The following CSMD1 variants were observed in gnomAD, a reference collection of about 807,000 sequenced individuals.
The protein encoded by CSMD1 is CUB and sushi domain-containing protein 1.
A neutral mutation model predicts 417.5 loss-of-function variants in CSMD1; 213 were observed. The observed-to-expected ratio is 0.51, with a 90% CI of 0.46 to 0.57. The LOEUF is 0.57. Among genes scored for constraint, CSMD1 ranks in the 20% least tolerant of loss-of-function variants. The pLI is 0.00. For missense variants in CSMD1, 6,923 were observed against 4,529.7 expected, an observed-to-expected ratio of 1.53 and a Z score of -15.17; for synonymous variants, 2,862 against 1,736.8, an observed-to-expected ratio of 1.65 and a Z score of -16.11.
chr8:4,262,443 C>T (rs1474351297), intron 3 of CSMD1, among the ~76,000 whole-genome samples: 1 of 152,264 alleles, frequency 6.6e-6, no homozygotes, highest in Non-Finnish European at 1.5e-5. Flanking sequence ...TTTCATGTTC[C>T]CCGCGCAGTG....
intron 26 of CSMD1, chr8:3,278,335 T>C (rs1802465983): frequency 6.6e-6 from 1 of 152,198 alleles, no homozygotes; most frequent in Non-Finnish European, 1.5e-5. Context: ...AATTCAAATG[T>C]GTCCAAGAAA....
At chr8:4,242,412 A>T (rs1802455268) in intron 3 of CSMD1, among the ~76,000 whole-genome samples, 1 of 152,210 alleles carries the variant, frequency 6.6e-6, no homozygotes, top group Non-Finnish European at 1.5e-5. Flanking sequence ...GCAAATGAGA[A>T]AAGGATAAAA....
At chr8:4,513,371 C>T (rs919752537) in intron 2 of CSMD1, among the ~76,000 whole-genome samples, 2 of 152,040 alleles carry the variant, frequency 1.3e-5, no homozygotes, top group East Asian at 1.9e-4. Context: ...TATAGCGATG[C>T]TAATTTAAAG....
intron 7 of CSMD1, among the ~76,000 whole-genome samples, chr8:3,642,931 C>T (rs1376819920): frequency 6.6e-6 from 1 of 151,232 alleles, no homozygotes; most frequent in African/African-American, 2.4e-5. Flanking sequence ...AAGATAAAAC[C>T]ACTAATAGTT....
chr8:4,289,495 G>A (rs1178257900), intron 3 of CSMD1, among the ~76,000 whole-genome samples: 1 of 152,150 alleles, frequency 6.6e-6, no homozygotes. Flanking sequence ...CACATAAACT[G>A]AGTTCTGTCC....
chr8:4,746,229 G>A (rs73661110), intron 1 of CSMD1, among the ~76,000 whole-genome samples: 3 of 151,938 alleles, frequency 2.0e-5, no homozygotes, highest in Admixed American at 6.6e-5. Context: ...CACCGAAAAC[G>A]TATGGCCAAC....
At chr8:4,668,384 C>G (rs952672979) in intron 1 of CSMD1, among the ~76,000 whole-genome samples, 5 of 150,666 alleles carry the variant, frequency 3.3e-5, no homozygotes, top group Admixed American at 3.3e-4. Flanking sequence ...CACTGCCACA[C>G]ACAGCACTCT....
At chr8:3,564,340 G>T (rs34620356) in intron 10 of CSMD1, among the ~76,000 whole-genome samples, 52,772 of 151,716 alleles carry the variant, frequency 0.35, 9,483 homozygotes, top group African/African-American at 0.45. Context: ...ATGTTTTGTC[G>T]TCCTCAGTGT....
At chr8:4,613,444 G>A (rs1316258899) in intron 2 of CSMD1, among the ~76,000 whole-genome samples, 1 of 152,098 alleles carries the variant, frequency 6.6e-6, no homozygotes, top group Non-Finnish European at 1.5e-5. Context: ...GTTGCCTCCA[G>A]AACCAAGTTT....
chr8:4,221,993 G>A (rs920968277), intron 3 of CSMD1, among the ~76,000 whole-genome samples: 1 of 151,662 alleles, frequency 6.6e-6, no homozygotes, highest in African/African-American at 2.4e-5. Flanking sequence ...CCACCCAACG[G>A]TCTGTCCCTA....
rs571849924 is a variant in CSMD1 at position 4,755,489 on chromosome 8, G to T, written c.86-117931C>A. ...GTTTCTATGATTGACATTTATTTTT[G>T]GCATAACGTTAAAATTGATGTTTCC... On this transcript the variant is annotated intron_variant, in intron 1 of 69. Transcript: ENST00000635120. 7.2e-5 allele frequency among the ~76,000 whole-genome samples: 11 copies of T among 151,756 alleles called. No individual in the cohort carries two copies. The South Asian group carries it at 2.3e-3, about 32-fold the overall frequency.
intron 3 of CSMD1, among the ~76,000 whole-genome samples, chr8:4,123,572 T>G (rs1482215557): frequency 2.6e-5 from 4 of 152,224 alleles, no homozygotes; most frequent in Admixed American, 2.6e-4. Flanking sequence ...GTGAGGAAAT[T>G]CAACGTTAAT....
intron 1 of CSMD1, among the ~76,000 whole-genome samples, chr8:4,894,041 G>A (rs1476407647): frequency 6.6e-6 from 1 of 151,870 alleles, no homozygotes; most frequent in Non-Finnish European, 1.5e-5. Flanking sequence ...GATTTATTTT[G>A]TTTAAGTTGT....
At chr8:3,108,556 C>A in intron 44 of CSMD1, 47 bp downstream of exon 44, 2 of 1,598,804 alleles carry the variant, frequency 1.3e-6, no homozygotes, top group Non-Finnish European at 8.6e-7. Context: ...GCAGGAAACA[C>A]CACATGGAAT....
chr8:4,739,993 G>A (rs1029563296), intron 1 of CSMD1, among the ~76,000 whole-genome samples: 1 of 152,084 alleles, frequency 6.6e-6, no homozygotes, highest in Non-Finnish European at 1.5e-5. Flanking sequence ...GCCTGCCCAG[G>A]CATCTTCCTT....
At chr8:4,411,888 C>T (rs545514826) in intron 3 of CSMD1, among the ~76,000 whole-genome samples, 3 of 151,870 alleles carry the variant, frequency 2.0e-5, no homozygotes, top group Non-Finnish European at 4.4e-5. Context: ...ATGTACCATG[C>T]ACATCTTCTG....
chr8:3,927,755 G>C (rs527620608), intron 5 of CSMD1, among the ~76,000 whole-genome samples: 1 of 152,040 alleles, frequency 6.6e-6, no homozygotes, highest in Non-Finnish European at 1.5e-5. Context: ...ATTTGATTGC[G>C]TATAAGCAGA....
At chr8:4,214,046 C>T (rs1372904695) in intron 3 of CSMD1, among the ~76,000 whole-genome samples, 6 of 152,158 alleles carry the variant, frequency 3.9e-5, no homozygotes, top group Non-Finnish European at 8.8e-5. Flanking sequence ...AAGGAAAATG[C>T]AAAATGATCA....
chr8:4,593,310 G>A (rs114745753), intron 2 of CSMD1, among the ~76,000 whole-genome samples: 2 of 152,122 alleles, frequency 1.3e-5, no homozygotes, highest in Admixed American at 6.6e-5. Context: ...CGCATACATA[G>A]CAAATTAATT....
Sources: allele counts gnomAD v4.1 joint callset (sites outside exome capture counted in the v4.1 genomes callset), GRCh38; gene constraint gnomAD v4.1.1; transcripts MANE v1.5; gene names NCBI Gene and HGNC (gene_info 2026-07-23, HGNC 2026-07-21).